Variants in SUGT1 observed in about 807,000 individuals in gnomAD.
The protein encoded by SUGT1 is SGT1 assembly cochaperone of MIS12 kinetochore complex, also known as protein SGT1 homolog.
SUGT1 carries 15 observed loss-of-function variants against 56.1 expected under a neutral mutation model. The ratio of observed to expected loss-of-function variants is 0.27; its 90% CI spans 0.18 to 0.41. The LOEUF is 0.41. SUGT1 is among the 10% of genes least tolerant of loss of function. The pLI, the probability that SUGT1 is intolerant of heterozygous loss-of-function variation, is 1.00. For synonymous variants in SUGT1, 123 were observed against 128.6 expected (o/e 0.96, Z 0.30); for missense variants, 347 against 382.2 (o/e 0.91, Z 0.77).
rs1255443082 is a variant in SUGT1, at chr13:52,700,890, A to G, written c.*13055A>G. The G allele has an allele frequency of 6.6e-6, 1 of 152,256 alleles. No individual in the cohort carries two copies. Among genetic ancestry groups the G allele is most frequent in the African/African-American group, 2.4e-5 (1 of 41,472 alleles). 9.4% of individuals were successfully genotyped at this position (152,256 alleles called of 1,614,324 possible). Reference sequence around the variant, plus strand: ...AAAATGTAGCTTGTATTTCAGTATAATAAAATCTGATGTAAGAAACTGTTG... The same window carrying G: ...AAAATGTAGCTTGTATTTCAGTATAGTAAAATCTGATGTAAGAAACTGTTG... On this transcript the variant is annotated 3_prime_UTR_variant, in exon 13 of 13. Transcript: ENST00000310528.
In SUGT1 at chr13:52,687,964, T is replaced by G; in HGVS notation, c.*129T>G. 1 of 540,466 alleles carries G rather than the reference T, an allele frequency of 1.9e-6. No homozygotes were observed. Among genetic ancestry groups the G allele is most frequent in the Non-Finnish European group, 3.1e-6 (1 of 327,602 alleles). 33.5% of individuals were successfully genotyped at this position (540,466 alleles called of 1,614,324 possible). On this transcript the variant is annotated 3_prime_UTR_variant, in exon 13 of 13. Coordinates refer to ENST00000310528, the MANE Select transcript of SUGT1 (RefSeq NM_006704.5). ...TTATACTTCTTTACCTCTTTGTGCTTTAGAAATTATTTTCCTTCAAGTGTT... is the reference window on the plus strand; with the variant it reads ...TTATACTTCTTTACCTCTTTGTGCTGTAGAAATTATTTTCCTTCAAGTGTT...
chr13:52,681,205 A>G (rs1422808989), intron 12 of SUGT1, among the ~76,000 whole-genome samples: 1 of 151,182 alleles, frequency 6.6e-6, no homozygotes, highest in Non-Finnish European at 1.5e-5. Context: ...CACTTGAGCT[A>G]AAGATCTTGA....
intron 12 of SUGT1, among the ~76,000 whole-genome samples, chr13:52,684,524 C>T (rs933000060): frequency 1.8e-4 from 27 of 150,310 alleles, no homozygotes; most frequent in Non-Finnish European, 3.8e-4. Context: ...GTACATTTGT[C>T]TATTATCTAT....
At chr13:52,666,995 G>A (rs1962734237) in intron 10 of SUGT1, 76 bp downstream of exon 10, 1 of 973,494 alleles carries the variant, frequency 1.0e-6, no homozygotes, top group African/African-American at 1.7e-5. Context: ...TCACCCATGT[G>A]TTTATAAGCT....
Position 52,680,109 on chromosome 13 carries a change from A to G in SUGT1, c.854A>G (p.Tyr285Cys). The part of the protein sequence containing the change: ...AALNRLFQQI[Y>C]SDGSDEVKRA... ...TTAAACAGATTATTTCAGCAGATCT[A>G]TTCAGATGGTTCTGATGAAGTGAAA... The change falls in exon 12 of 13, where the codon TAT (tyrosine) becomes TGT (cysteine). Residue 285 changes from tyrosine (Y) to cysteine (C), a missense_variant. Tyr to Cys is a radical substitution (Grantham distance 194). Transcript: ENST00000310528. The G allele has an allele frequency of 1.3e-6, 2 of 1,595,164 alleles. No homozygotes were observed. Among genetic ancestry groups the G allele is most frequent in the East Asian group, 2.3e-5 (1 of 44,064 alleles).
chr13:52,698,856 C>G lies in SUGT1; in HGVS notation c.*11021C>G, dbSNP rs1462252032. On this transcript the variant is annotated 3_prime_UTR_variant, in exon 13 of 13. Coordinates refer to ENST00000310528, the MANE Select transcript of SUGT1 (RefSeq NM_006704.5). ...TAAGCTTATTGGTGAGTAACCTTCA[C>G]TTGGGAAGCTTATTTTTAAAAATGT... 1.3e-5 allele frequency: 2 copies of G among 152,122 alleles called. No individual in the cohort carries two copies. Among genetic ancestry groups the G allele is most frequent in the African/African-American group, 2.4e-5 (1 of 41,428 alleles). The allele number at this position is 152,122 out of a possible 1,614,324, so 9.4% of individuals were successfully genotyped here. A position where few individuals can be genotyped will look rare whatever the true frequency, so the allele number is the denominator to read the frequency against.
chr13:52,655,579 T>G (rs1349466529), intron 2 of SUGT1, among the ~76,000 whole-genome samples: 1 of 151,778 alleles, frequency 6.6e-6, no homozygotes, highest in African/African-American at 2.4e-5. Context: ...TGGAGGTGAG[T>G]TGTTTTATGT....
At chr13:52,676,424 G>T (rs1963146162) in intron 11 of SUGT1, 104 bp downstream of exon 11, 2 of 965,206 alleles carry the variant, frequency 2.1e-6, no homozygotes, top group Non-Finnish European at 3.0e-6. Flanking sequence ...ATGTTCTCAA[G>T]ATAAGATACA....
intron 12 of SUGT1, 33 bp downstream of exon 12, chr13:52,680,188 G>A (rs1216688155): frequency 1.3e-6 from 2 of 1,523,368 alleles, no homozygotes; most frequent in South Asian, 1.3e-5. Context: ...ATATATATGG[G>A]AGCAAATTTT....
Position 52,688,002 on chromosome 13 carries a change from A to G in SUGT1, c.*167A>G. ...TCCTTCAAGTGTTCAAGTCTAATGA[A>G]GAATGAAGATAACATTTTATCACTT... On this transcript the variant is annotated 3_prime_UTR_variant, in exon 13 of 13. Coordinates refer to ENST00000310528, the MANE Select transcript of SUGT1 (RefSeq NM_006704.5). 2.2e-6 allele frequency: 1 copy of G among 449,066 alleles called. No individual in the cohort carries two copies. The highest frequency in any genetic ancestry group is 3.9e-6 in the Non-Finnish European group (1 of 258,274). The allele number at this position is 449,066 out of a possible 1,614,324, so 27.8% of individuals were successfully genotyped here. A position where few individuals can be genotyped will look rare whatever the true frequency, so the allele number is the denominator to read the frequency against.
At position 52,663,173 on chromosome 13, in the gene SUGT1, A is replaced by G; in HGVS notation, c.399+61A>G. The G allele has an allele frequency of 5.8e-6, 9 of 1,541,662 alleles. No homozygotes were observed. In the South Asian group the frequency reaches 8.3e-5, roughly 14 times the overall value. On this transcript the variant is annotated intron_variant, in intron 7 of 12. Coordinates refer to ENST00000310528, the MANE Select transcript of SUGT1 (RefSeq NM_006704.5). ...ATTTTAAATTTCAGCTACCAAATAT[A>G]TTTGAGACAAGACTCAGGATGAGCT...
At position 52,692,778 on chromosome 13, in the gene SUGT1, G is replaced by A. The variant is rs531596810; in HGVS notation, c.*4943G>A. ...GATCCTCACTTTCTTAAGTAGGAAAGCTTATTAGGAATCCAAATCTTTTGC... is the reference window on the plus strand; with the variant it reads ...GATCCTCACTTTCTTAAGTAGGAAAACTTATTAGGAATCCAAATCTTTTGC... On this transcript the variant is annotated 3_prime_UTR_variant, in exon 13 of 13. Coordinates refer to ENST00000310528, the MANE Select transcript of SUGT1 (RefSeq NM_006704.5). The A allele has an allele frequency of 6.6e-6, 1 of 152,314 alleles. No homozygotes were observed. The highest frequency in any genetic ancestry group is 6.5e-5 in the Admixed American group (1 of 15,304). The allele number at this position is 152,314 out of a possible 1,614,324, so 9.4% of individuals were successfully genotyped here. A position where few individuals can be genotyped will look rare whatever the true frequency, so the allele number is the denominator to read the frequency against.
rs183639550 is a variant in SUGT1 at position 52,692,670 on chromosome 13, A to C, written c.*4835A>C. On this transcript the variant is annotated 3_prime_UTR_variant, in exon 13 of 13. Coordinates refer to ENST00000310528, the MANE Select transcript of SUGT1 (RefSeq NM_006704.5). ...ATGATCCGCCCACCTTGGCCTCCCA[A>C]AATGCTGGGATTATAGGCGTGAGCC... The C allele has an allele frequency of 6.6e-6, 1 of 152,294 alleles. No individual in the cohort carries two copies. The highest frequency in any genetic ancestry group is 1.9e-4 in the East Asian group (1 of 5,186). 9.4% of individuals were successfully genotyped at this position (152,294 alleles called of 1,614,324 possible).
chr13:52,685,895 A>T (rs1165421347), intron 12 of SUGT1, among the ~76,000 whole-genome samples: 1 of 152,164 alleles, frequency 6.6e-6, no homozygotes, highest in Non-Finnish European at 1.5e-5. Flanking sequence ...TTGTAAACCA[A>T]ATCCACAACT....
chr13:52,659,273 A>T, intron 5 of SUGT1, 24 bp downstream of exon 5: 1 of 1,342,882 alleles, frequency 7.4e-7, no homozygotes, highest in South Asian at 1.5e-5. Flanking sequence ...ATTATACTTT[A>T]ATAAACTTAT....
chr13:52,683,083 C>T (rs1963439895), intron 12 of SUGT1, among the ~76,000 whole-genome samples: 1 of 152,046 alleles, frequency 6.6e-6, no homozygotes, highest in South Asian at 2.1e-4. Flanking sequence ...CCTTTTCTAT[C>T]TGTATGCCTT....
intron 2 of SUGT1, among the ~76,000 whole-genome samples, chr13:52,657,258 TA>T (rs1962211918): frequency 6.6e-6 from 1 of 152,230 alleles, no homozygotes; most frequent in Non-Finnish European, 1.5e-5. Context: ...TATGAGCTGA[TA>T]ATAATGATCA....
At position 52,692,848 on chromosome 13, in the gene SUGT1, G is replaced by T. The variant is rs1963820759; in HGVS notation, c.*5013G>T. ...AAAGAAGTAGTCTGATTTTTGAGAG[G>T]GTGCTGTTTTTCTCAAATCTAGATC... On this transcript the variant is annotated 3_prime_UTR_variant, in exon 13 of 13. Transcript: ENST00000310528. 6.6e-6 allele frequency: 1 copy of T among 152,098 alleles called. No homozygotes were observed. Among genetic ancestry groups the T allele is most frequent in the Non-Finnish European group, 1.5e-5 (1 of 68,034 alleles). The allele number at this position is 152,098 out of a possible 1,614,324, so 9.4% of individuals were successfully genotyped here.
intron 12 of SUGT1, among the ~76,000 whole-genome samples, chr13:52,686,725 T>C (rs1963603216): frequency 6.6e-6 from 1 of 152,216 alleles, no homozygotes; most frequent in Non-Finnish European, 1.5e-5. Flanking sequence ...TAATTCGCTC[T>C]ATTCTTTGAT....
Sources: gnomAD v4.1 joint callset for allele counts (sites outside exome capture counted in the v4.1 genomes callset) on GRCh38, gnomAD v4.1.1 for gene constraint, MANE v1.5 for transcripts, NCBI Gene and HGNC (gene_info 2026-07-23, HGNC 2026-07-21) for gene names.